The following PPP2R2C variants were observed in gnomAD, a reference collection of about 807,000 sequenced individuals.
PPP2R2C encodes the protein protein phosphatase 2, regulatory subunit B, gamma.
In PPP2R2C, 10 loss-of-function variants were observed where a neutral mutation model predicts 45.3. The observed-to-expected ratio is 0.22, with a 90% confidence interval of 0.14 to 0.37. The LOEUF (loss-of-function observed/expected upper bound fraction) is 0.37, where lower values mean the gene tolerates loss of function less well. Ranked by LOEUF, PPP2R2C falls within the 10% of genes least tolerant of loss-of-function variation. The pLI, the probability that PPP2R2C is intolerant of heterozygous loss-of-function variation, is 1.00. For synonymous variants in PPP2R2C, 257 were observed against 245.4 expected (o/e 1.05, Z -0.44); for missense variants, 308 against 619.7 (o/e 0.50, Z 5.34).
intron 1 of PPP2R2C, among the ~76,000 whole-genome samples, chr4:6,556,400 GCCTT>G (rs1321358901): frequency 1.3e-5 from 2 of 152,156 alleles, no homozygotes; most frequent in African/African-American, 2.4e-5. Flanking sequence ...CGCAACATCA[GCCTT>G]CCTGGTTCTC....
Position 6,331,848 on chromosome 4 carries a change from C to T in PPP2R2C, c.960+1714G>A, listed in dbSNP as rs560200762. Among the ~76,000 whole-genome samples the T allele has an allele frequency of 6.6e-6, 1 of 152,258 alleles. No homozygotes were observed. The highest frequency in any genetic ancestry group is 1.9e-4 in the East Asian group (1 of 5,172). On this transcript the variant is annotated intron_variant, in intron 7 of 8. Transcript: ENST00000382599. The surrounding 1 kb of genome is among the most constrained non-coding windows in gnomAD (Gnocchi z 5.9). Reference sequence around the variant, plus strand: ...CTCCCTGTTGTGGGAGAAAAATAGCCCCGATTTGTTAAGCACCGCACACCA... The same window carrying T: ...CTCCCTGTTGTGGGAGAAAAATAGCTCCGATTTGTTAAGCACCGCACACCA...
intron 1 of PPP2R2C, among the ~76,000 whole-genome samples, chr4:6,414,648 C>T (rs549541826): frequency 4.0e-4 from 60 of 151,758 alleles, no homozygotes; most frequent in Admixed American, 3.0e-3. Context: ...ATGGGGAAAC[C>T]GAGGCTCAGA....
chr4:6,481,518 G>C (rs960483648), intron 2 of PPP2R2C, among the ~76,000 whole-genome samples: 1 of 152,034 alleles, frequency 6.6e-6, no homozygotes, highest in Non-Finnish European at 1.5e-5. Context: ...TGGTCTTTCT[G>C]TCTGGCCCAT....
At chr4:6,401,019 G>A (rs528149343) in intron 1 of PPP2R2C, among the ~76,000 whole-genome samples, 4 of 152,296 alleles carry the variant, frequency 2.6e-5, no homozygotes, top group South Asian at 2.1e-4. Context: ...CAAGTGGCAC[G>A]TGGCAGGACA....
At chr4:6,494,582 C>G (rs1009374555) in intron 2 of PPP2R2C, among the ~76,000 whole-genome samples, 1 of 152,202 alleles carries the variant, frequency 6.6e-6, no homozygotes, top group Non-Finnish European at 1.5e-5. Flanking sequence ...GACACAAACC[C>G]AGCCCCTAAC....
In PPP2R2C at chr4:6,329,794, A is replaced by G. The variant is rs1732262631; in HGVS notation, c.961-441T>C. 6.6e-6 allele frequency among the ~76,000 whole-genome samples: 1 copy of G among 152,190 alleles called. No homozygotes were observed. Among genetic ancestry groups the G allele is most frequent in the Admixed American group, 6.5e-5 (1 of 15,280 alleles). On this transcript the variant is annotated intron_variant, in intron 7 of 8. Coordinates refer to ENST00000382599, the MANE Select transcript of PPP2R2C (RefSeq NM_020416.4). The surrounding 1 kb of genome is among the most constrained non-coding windows in gnomAD (Gnocchi z 5.8). Reference sequence around the variant, plus strand: ...GAACGCTCACAGCACAGGGGCCAGGACCACCTGGGGTCCAGATCCTGGCTC... The same window carrying G: ...GAACGCTCACAGCACAGGGGCCAGGGCCACCTGGGGTCCAGATCCTGGCTC...
intron 2 of PPP2R2C, among the ~76,000 whole-genome samples, chr4:6,522,336 G>A (rs1241983930): frequency 6.6e-6 from 1 of 152,258 alleles, no homozygotes; most frequent in Non-Finnish European, 1.5e-5. Context: ...CGTGCTGGGA[G>A]CACTCCCGGG....
chr4:6,550,136 C>T (rs1289109317), intron 1 of PPP2R2C, among the ~76,000 whole-genome samples: 1 of 152,112 alleles, frequency 6.6e-6, no homozygotes, highest in Non-Finnish European at 1.5e-5. Flanking sequence ...GCCTGCATGA[C>T]CTTGAGTGAG....
chr4:6,530,578 T>C (rs1560605706), intron 2 of PPP2R2C, among the ~76,000 whole-genome samples: 1 of 152,070 alleles, frequency 6.6e-6, no homozygotes, highest in Non-Finnish European at 1.5e-5. Flanking sequence ...GCTGTCCGGG[T>C]AACAACATGA....
intron 2 of PPP2R2C, among the ~76,000 whole-genome samples, chr4:6,507,910 A>G (rs372440659): frequency 2.0e-5 from 3 of 152,330 alleles, no homozygotes; most frequent in African/African-American, 7.2e-5. Context: ...TTGCTGAAAT[A>G]CCTTTCAGCT....
chr4:6,406,747 ACT>A (rs1267025736), intron 1 of PPP2R2C, among the ~76,000 whole-genome samples: 2 of 152,096 alleles, frequency 1.3e-5, no homozygotes, highest in Non-Finnish European at 2.9e-5. Context: ...ACAGGGAAAA[ACT>A]CTGTCTCAAA....
chr4:6,516,229 C>T (rs1190754098), intron 2 of PPP2R2C, among the ~76,000 whole-genome samples: 1 of 152,206 alleles, frequency 6.6e-6, no homozygotes, highest in African/African-American at 2.4e-5. Context: ...CAGTGTGGTC[C>T]TGACTGCCCA....
intron 1 of PPP2R2C, among the ~76,000 whole-genome samples, chr4:6,556,640 C>T (rs1268599191): frequency 2.0e-5 from 3 of 152,176 alleles, no homozygotes; most frequent in Non-Finnish European, 4.4e-5. Flanking sequence ...CCCCAGGCCA[C>T]CTTGTCATCA....
chr4:6,556,769 G>A (rs1725414530), intron 1 of PPP2R2C, among the ~76,000 whole-genome samples: 1 of 151,948 alleles, frequency 6.6e-6, no homozygotes, highest in Admixed American at 6.6e-5. Context: ...TTCTCCCCCT[G>A]AAGTTTTGCC....
intron 2 of PPP2R2C, among the ~76,000 whole-genome samples, chr4:6,509,199 T>C (rs564349979): frequency 6.6e-6 from 1 of 152,350 alleles, no homozygotes; most frequent in South Asian, 2.1e-4. Context: ...AAGCTGGATT[T>C]TCCCATGGTT....
intron 8 of PPP2R2C, among the ~76,000 whole-genome samples, chr4:6,327,323 G>A (rs1031982875): frequency 4.6e-5 from 7 of 152,192 alleles, no homozygotes; most frequent in African/African-American, 9.6e-5. Flanking sequence ...CGTGGCTGGC[G>A]TGTAAAGTGC....
Position 6,365,709 on chromosome 4 carries a change from G to A in PPP2R2C, c.625+6814C>T, listed in dbSNP as rs547361771. 2.9e-3 allele frequency among the ~76,000 whole-genome samples: 441 copies of A among 152,286 alleles called. 4 individuals carry two copies. Among genetic ancestry groups the A allele is most frequent in the Non-Finnish European group, 4.8e-3 (329 of 68,020 alleles). ...CTGATGAAGGTTCTGAGCCTCCTGC[G>A]GTGAATGGCTGCACCCCCCTCCAGC... On this transcript the variant is annotated intron_variant, in intron 5 of 8. Transcript: ENST00000382599.
chr4:6,421,475 T>G (rs1718960787), intron 1 of PPP2R2C, among the ~76,000 whole-genome samples: 2 of 152,136 alleles, frequency 1.3e-5, no homozygotes, highest in African/African-American at 4.8e-5. Context: ...TGATAAGTGT[T>G]TGTGGATTAC....
chr4:6,413,460 A>C (rs1412193467), intron 1 of PPP2R2C, among the ~76,000 whole-genome samples: 1 of 149,392 alleles, frequency 6.7e-6, no homozygotes, highest in Non-Finnish European at 1.5e-5. Flanking sequence ...GAACTTGCCC[A>C]ATTTCATCAC....
Sources: gnomAD v4.1 joint callset for allele counts (sites outside exome capture counted in the v4.1 genomes callset) on GRCh38, gnomAD v4.1.1 for gene constraint, Gnocchi (gnomAD v3.1) non-coding constraint, MANE v1.5 for transcripts, NCBI Gene and HGNC (gene_info 2026-07-23, HGNC 2026-07-21) for gene names.